Variants in YPEL2 observed in about 807,000 individuals in gnomAD.
The protein encoded by YPEL2 is protein yippee-like 2.
A neutral mutation model predicts 19.1 loss-of-function variants in YPEL2; 2 were observed. The observed-to-expected ratio is 0.10, with a 90% CI of 0.04 to 0.33. YPEL2 has a LOEUF of 0.33. Among genes scored for constraint, YPEL2 ranks in the 10% least tolerant of loss-of-function variants. The pLI, the probability that YPEL2 is intolerant of heterozygous loss-of-function variation, is 1.00. For missense variants in YPEL2, 66 were observed against 140.7 expected, an observed-to-expected ratio of 0.47 and a Z score of 2.68; for synonymous variants, 52 against 50.0, an observed-to-expected ratio of 1.04 and a Z score of -0.17.
chr17:59,338,394 G>A lies in YPEL2; in HGVS notation c.-196+6570G>A, dbSNP rs570907776. On this transcript the variant is annotated intron_variant, in intron 1 of 4. Coordinates refer to ENST00000312655, the MANE Select transcript of YPEL2 (RefSeq NM_001005404.4). ...GTTCTAGGAAATACTGACCTTTCTA[G>A]TGATTGGTATTTTGTTTTCTCAAGA... Among the ~76,000 whole-genome samples, 3 of 152,344 alleles carry A rather than the reference G, an allele frequency of 2.0e-5. No homozygotes were observed. In the South Asian group the frequency reaches 6.2e-4, roughly 32 times the overall value.
chr17:59,349,492 G>A (rs2047776454), intron 1 of YPEL2, among the ~76,000 whole-genome samples: 4 of 151,402 alleles, frequency 2.6e-5, no homozygotes, highest in East Asian at 2.0e-4. Context: ...GACTACGGGC[G>A]TGCGCTACCA....
At chr17:59,394,136 C>T (rs575161629) in intron 4 of YPEL2, among the ~76,000 whole-genome samples, 6 of 149,968 alleles carry the variant, frequency 4.0e-5, no homozygotes, top group East Asian at 2.0e-4. Context: ...GCTGGCCAGG[C>T]GGGGGGCTGA....
chr17:59,400,781 C>T lies in YPEL2; in HGVS notation c.*3591C>T, dbSNP rs2048067187. 2 of 152,518 alleles carry T rather than the reference C, an allele frequency of 1.3e-5. No homozygotes were observed. The highest frequency in any genetic ancestry group is 2.9e-5 in the Non-Finnish European group (2 of 68,020). The allele number at this position is 152,518 out of a possible 1,614,324, so 9.4% of individuals were successfully genotyped here. A position where few individuals can be genotyped will look rare whatever the true frequency, so the allele number is the denominator to read the frequency against. ...GTGTAAAAAGCACTTTCGATTGTGC[C>T]TCCTGTTTTCTCGAGTGGGGACACT... is the stretch of plus-strand genomic sequence containing the variant. On this transcript the variant is annotated 3_prime_UTR_variant, in exon 5 of 5. Coordinates refer to ENST00000312655, the MANE Select transcript of YPEL2 (RefSeq NM_001005404.4).
At chr17:59,348,948 A>G (rs955945008) in intron 1 of YPEL2, among the ~76,000 whole-genome samples, 1 of 152,122 alleles carries the variant, frequency 6.6e-6, no homozygotes, top group Non-Finnish European at 1.5e-5. Flanking sequence ...GCACTTTGGG[A>G]GGCCGAGGTG....
At chr17:59,385,490 A>G (rs903852536) in intron 2 of YPEL2, among the ~76,000 whole-genome samples, 1 of 152,202 alleles carries the variant, frequency 6.6e-6, no homozygotes, top group Non-Finnish European at 1.5e-5. Flanking sequence ...AGGCAGAAGG[A>G]TCACTTGAGC....
chr17:59,390,390 A>T (rs532811299), intron 4 of YPEL2, among the ~76,000 whole-genome samples: 1 of 151,842 alleles, frequency 6.6e-6, no homozygotes, highest in South Asian at 2.1e-4. Context: ...AGTCTTCCCA[A>T]CTTGGCCTCC....
chr17:59,395,860 C>T (rs1174715344), intron 4 of YPEL2, among the ~76,000 whole-genome samples: 3 of 152,076 alleles, frequency 2.0e-5, no homozygotes, highest in Non-Finnish European at 2.9e-5. Flanking sequence ...GGGTGGATCA[C>T]GAGGTCAGGA....
In YPEL2 at chr17:59,353,854, A is replaced by G. The variant is rs2047799401; in HGVS notation, c.117+328A>G. The G allele has an allele frequency of 8.2e-6, 3 of 365,644 alleles. No individual in the cohort carries two copies. In the Admixed American group the frequency reaches 1.2e-4, roughly 14 times the overall value. 22.6% of individuals were successfully genotyped at this position (365,644 alleles called of 1,614,324 possible). ...GTTTAGGTTGGCGGACGAAGAGTGA[A>G]GAGTGCTCCCTGCTCAGAAGGTGAA... is the stretch of plus-strand genomic sequence containing the variant. On this transcript the variant is annotated intron_variant, in intron 2 of 4. Coordinates refer to ENST00000312655, the MANE Select transcript of YPEL2 (RefSeq NM_001005404.4). The surrounding 1 kb of genome is among the most constrained non-coding windows in gnomAD (Gnocchi z 4.8).
chr17:59,374,788 G>T (rs899761755), intron 2 of YPEL2, among the ~76,000 whole-genome samples: 1 of 152,186 alleles, frequency 6.6e-6, no homozygotes, highest in Non-Finnish European at 1.5e-5. Context: ...AGGAACTTTT[G>T]ACCCGAAAGC....
chr17:59,341,005 G>A (rs1355031693), intron 1 of YPEL2, among the ~76,000 whole-genome samples: 7 of 147,552 alleles, frequency 4.7e-5, no homozygotes, highest in African/African-American at 1.2e-4. Context: ...TTGAGCCACC[G>A]CACCCGGCTG....
At chr17:59,374,076 A>G (rs2047909116) in intron 2 of YPEL2, among the ~76,000 whole-genome samples, 2 of 152,202 alleles carry the variant, frequency 1.3e-5, no homozygotes, top group African/African-American at 4.8e-5. Context: ...ACCTTGCTCA[A>G]TCCCTTCATT....
chr17:59,356,258 C>G (rs917239498), intron 2 of YPEL2: 15 of 148,300 alleles, frequency 1.0e-4, no homozygotes, highest in African/African-American at 3.8e-4. Context: ...ATACTTTGTA[C>G]TGGTAATAGG....
chr17:59,393,068 C>T (rs184615530), intron 4 of YPEL2, among the ~76,000 whole-genome samples: 2 of 152,254 alleles, frequency 1.3e-5, no homozygotes, highest in Admixed American at 1.3e-4. Flanking sequence ...CTGTTGACAC[C>T]AGGTCTAGTG....
At chr17:59,348,206 A>C (rs746859773) in intron 1 of YPEL2, among the ~76,000 whole-genome samples, 1 of 152,222 alleles carries the variant, frequency 6.6e-6, no homozygotes. Flanking sequence ...ACCTCCTCTC[A>C]GACACCCCAT....
At chr17:59,386,670 G>T (rs1182227108) in intron 2 of YPEL2, among the ~76,000 whole-genome samples, 1 of 152,162 alleles carries the variant, frequency 6.6e-6, no homozygotes, top group Non-Finnish European at 1.5e-5. Flanking sequence ...AGTGTGGCCA[G>T]GTCTAGACCT....
chr17:59,391,256 A>T (rs918106720), intron 4 of YPEL2, among the ~76,000 whole-genome samples: 1 of 152,146 alleles, frequency 6.6e-6, no homozygotes, highest in African/African-American at 2.4e-5. Flanking sequence ...TGCTGACGAT[A>T]TGTCAGTGTA....
rs546626746 is a variant in YPEL2 at position 59,346,590 on chromosome 17, C to G, written c.-195-6625C>G. 1.2e-4 allele frequency among the ~76,000 whole-genome samples: 19 copies of G among 152,240 alleles called. No homozygotes were observed. In the East Asian group the frequency reaches 3.7e-3, roughly 29 times the overall value. On this transcript the variant is annotated intron_variant, in intron 1 of 4. Coordinates refer to ENST00000312655, the MANE Select transcript of YPEL2 (RefSeq NM_001005404.4). ...CAGGTAGGTGGACCTGTCCAGTGAG[C>G]AGCCAATGGGAAGCAGAGGAGGTTC...
intron 2 of YPEL2, among the ~76,000 whole-genome samples, chr17:59,370,884 T>C (rs2047893819): frequency 1.3e-5 from 2 of 152,116 alleles, no homozygotes. Context: ...AAGCCCCAAT[T>C]AATGTGTAGT....
rs72831268 is a variant in YPEL2 at position 59,364,985 on chromosome 17, T to C, written c.117+11459T>C. ...AAATGGGAATAATAGTAATATTAGATACCTGATAGGATTTTTGTGGAAATT... is the reference window on the plus strand; with the variant it reads ...AAATGGGAATAATAGTAATATTAGACACCTGATAGGATTTTTGTGGAAATT... On this transcript the variant is annotated intron_variant, in intron 2 of 4. Transcript: ENST00000312655. Among the ~76,000 whole-genome samples, 42 of 152,348 alleles carry C rather than the reference T, an allele frequency of 2.8e-4. 1 individual carries two copies. Among genetic ancestry groups the C allele is most frequent in the Non-Finnish European group, 3.1e-4 (21 of 68,038 alleles).
Sources: allele counts gnomAD v4.1 joint callset (sites outside exome capture counted in the v4.1 genomes callset), GRCh38; gene constraint gnomAD v4.1.1; non-coding constraint Gnocchi (gnomAD v3.1); transcripts MANE v1.5; gene names NCBI Gene and HGNC (gene_info 2026-07-23, HGNC 2026-07-21).